Variants in ATP2C2 observed in about 807,000 individuals in gnomAD.
The protein encoded by ATP2C2 is calcium-transporting ATPase type 2C member 2.
In ATP2C2, 171 loss-of-function variants were observed where a neutral mutation model predicts 110.8. The ratio of observed to expected loss-of-function variants is 1.54; its 90% CI spans 1.36 to 1.75. The LOEUF (loss-of-function observed/expected upper bound fraction) is 1.75, where lower values mean the gene tolerates loss of function less well. Among genes scored for constraint, ATP2C2 ranks in the 40% most tolerant of loss-of-function variants. The probability of loss-of-function intolerance (pLI) is 0.00; values close to 1 mark genes in which losing one functional copy is unlikely to be tolerated. For missense variants in ATP2C2, 1,963 were observed against 1,235.0 expected, an observed-to-expected ratio of 1.59 and a Z score of -8.84; for synonymous variants, 804 against 508.4, an observed-to-expected ratio of 1.58 and a Z score of -7.82.
chr16:84,452,364 A>G lies in ATP2C2; in HGVS notation c.1831+273A>G, dbSNP rs2150583486. On this transcript the variant is annotated intron_variant, in intron 18 of 26. Coordinates refer to ENST00000262429, the MANE Select transcript of ATP2C2 (RefSeq NM_014861.4). Reference sequence around the variant, plus strand: ...GGGGCTTTTCATCCGCTGTCTTCACAGGCAGCATCATGGCCATGTACAGTT... The same window carrying G: ...GGGGCTTTTCATCCGCTGTCTTCACGGGCAGCATCATGGCCATGTACAGTT... Among the ~76,000 whole-genome samples, 3 of 152,342 alleles carry G rather than the reference A, an allele frequency of 2.0e-5. 1 individual carries two copies. The highest frequency in any genetic ancestry group is 7.2e-5 in the African/African-American group (3 of 41,586).
intron 11 of ATP2C2, among the ~76,000 whole-genome samples, chr16:84,430,019 C>G (rs111500398): frequency 2.6e-5 from 4 of 152,146 alleles, no homozygotes; most frequent in African/African-American, 9.7e-5. Context: ...GTCTCTGCGT[C>G]TCTTCTCTTC....
rs539956854 is a variant in ATP2C2 at position 84,395,802 on chromosome 16, T to G, written c.100-2697T>G. Among the ~76,000 whole-genome samples the G allele has an allele frequency of 2.7e-3, 409 of 152,226 alleles. 6 individuals are homozygous for G. Among genetic ancestry groups the G allele is most frequent in the African/African-American group, 9.4e-3 (391 of 41,518 alleles). On this transcript the variant is annotated intron_variant, in intron 1 of 26. Transcript: ENST00000262429. ...GGTATGAGCCACTGTGTCTGGCCCT[T>G]TTCTTCTGGATTTTTATTGTGGTAA...
At chr16:84,434,713 T>C in intron 11 of ATP2C2, among the ~76,000 whole-genome samples, 1 of 151,784 alleles carries the variant, frequency 6.6e-6, no homozygotes, top group East Asian at 2.0e-4. Context: ...AGACGGGGTT[T>C]CAACACGTTG....
chr16:84,439,169 G>A lies in ATP2C2; in HGVS notation c.990G>A (p.Leu330=). 1 of 1,612,212 alleles carries A rather than the reference G, an allele frequency of 6.2e-7. No homozygotes were observed. Among genetic ancestry groups the A allele is most frequent in the African/African-American group, 1.3e-5 (1 of 74,984 alleles). Residue 330 remains leucine, a synonymous_variant, in exon 12 of 27, where the codon CTG becomes CTA. Transcript: ENST00000262429. ...LLSMFTIGVS[L]AVAAIPEGLP... ...CTCATTTGACCTTTCGATCCAGCCT[G>A]GCTGTGGCGGCCATTCCAGAGGGTC...
At chr16:84,413,728 G>A (rs1906590429) in intron 6 of ATP2C2, among the ~76,000 whole-genome samples, 1 of 151,958 alleles carries the variant, frequency 6.6e-6, no homozygotes, top group South Asian at 2.1e-4. Flanking sequence ...CGCTGAAGAG[G>A]TGAAGCCCAC....
intron 1 of ATP2C2, among the ~76,000 whole-genome samples, chr16:84,376,992 G>A (rs1487761420): frequency 1.3e-5 from 2 of 152,316 alleles, no homozygotes; most frequent in East Asian, 1.9e-4. Context: ...ATCTGGATCT[G>A]TGGACGCTTC....
chr16:84,412,862 G>A (rs971097986), intron 6 of ATP2C2, among the ~76,000 whole-genome samples: 5 of 152,072 alleles, frequency 3.3e-5, no homozygotes, highest in South Asian at 2.1e-4. Flanking sequence ...TTGGGAGGCC[G>A]AGGTAGGCAG....
At chr16:84,384,652 G>A (rs113345063) in intron 1 of ATP2C2, among the ~76,000 whole-genome samples, 65 of 152,058 alleles carry the variant, frequency 4.3e-4, no homozygotes, top group African/African-American at 1.4e-3. Context: ...CATTAAGTTC[G>A]GCATGCATGG....
At chr16:84,413,253 T>C (rs1906544609) in intron 6 of ATP2C2, among the ~76,000 whole-genome samples, 1 of 152,068 alleles carries the variant, frequency 6.6e-6, no homozygotes, top group African/African-American at 2.4e-5. Flanking sequence ...TTAGTATATA[T>C]CCCAGGCACA....
Position 84,454,952 on chromosome 16 carries a change from G to T in ATP2C2, c.2115G>T (p.Met705Ile). 1 of 1,613,422 alleles carries T rather than the reference G, an allele frequency of 6.2e-7. No individual in the cohort carries two copies. The highest frequency in any genetic ancestry group is 2.2e-5 in the East Asian group (1 of 44,860). The change falls in exon 21 of 27, where the codon ATG becomes ATT. Residue 705 changes from methionine to isoleucine, a missense_variant. Coordinates refer to ENST00000262429, the MANE Select transcript of ATP2C2 (RefSeq NM_014861.4). ...GTDVSKEAAN[M>I]ILVDDDFSAI... ...ACGTCAGCAAAGAGGCCGCCAACAT[G>T]ATCCTGGTGGATGATGACTTCTCAG...
intron 25 of ATP2C2, 85 bp downstream of exon 25, chr16:84,461,897 G>T: frequency 6.2e-7 from 1 of 1,606,186 alleles, no homozygotes; most frequent in Non-Finnish European, 8.5e-7. Flanking sequence ...AGCATTGAGC[G>T]GCTCTGGCTC....
chr16:84,442,462 T>C (rs1909353711), intron 14 of ATP2C2, 48 bp from the exon 15 acceptor site: 2 of 1,584,970 alleles, frequency 1.3e-6, no homozygotes, highest in South Asian at 1.1e-5. Flanking sequence ...GTCTAACTTT[T>C]TCATGAGCCC....
At chr16:84,461,106 A>G (rs986238803) in intron 24 of ATP2C2, 6 of 382,522 alleles carry the variant, frequency 1.6e-5, no homozygotes, top group Admixed American at 4.2e-5. Context: ...CCTTGTCACC[A>G]GGAAACAATT....
chr16:84,420,142 C>T (rs1391871498), intron 7 of ATP2C2, among the ~76,000 whole-genome samples: 1 of 152,192 alleles, frequency 6.6e-6, no homozygotes, highest in African/African-American at 2.4e-5. Context: ...GGCCTTTCCC[C>T]AGCCACCTCT....
intron 7 of ATP2C2, among the ~76,000 whole-genome samples, chr16:84,416,485 A>G (rs773163036): frequency 6.6e-6 from 1 of 152,234 alleles, no homozygotes. Context: ...AGAGGGCAGC[A>G]TCAGGGAAGC....
intron 1 of ATP2C2, among the ~76,000 whole-genome samples, chr16:84,373,971 C>G (rs1190145489): frequency 6.6e-6 from 1 of 152,220 alleles, no homozygotes; most frequent in African/African-American, 2.4e-5. Context: ...AAACTCAAGT[C>G]CAACTGCCAG....
At chr16:84,398,418 T>G in intron 1 of ATP2C2, 81 bp from the exon 2 acceptor site, 1 of 845,828 alleles carries the variant, frequency 1.2e-6, no homozygotes, top group Non-Finnish European at 1.7e-6. Flanking sequence ...AAAAATAAAC[T>G]AATAAAAATA....
In ATP2C2 at chr16:84,451,915, C is replaced by T. The variant is rs762044120; in HGVS notation, c.1661-6C>T. 1.2e-6 allele frequency: 2 copies of T among 1,612,722 alleles called. No individual in the cohort carries two copies. The highest frequency in any genetic ancestry group is 1.7e-6 in the Non-Finnish European group (2 of 1,179,694). On this transcript the variant is annotated splice_polypyrimidine_tract_variant and splice_region_variant and intron_variant, in intron 17 of 26. Transcript: ENST00000262429. ...TGACCCCTCCTTACTCCCCCTCTCT[C>T]CTCAGTGCTGGCCCTGGCTTCTGGG...
chr16:84,415,085 A>T (rs1906713392), intron 6 of ATP2C2, among the ~76,000 whole-genome samples: 1 of 152,060 alleles, frequency 6.6e-6, no homozygotes, highest in Non-Finnish European at 1.5e-5. Context: ...CCCAGCTGTG[A>T]TAAGGCTCTG....
Sources: gnomAD v4.1 joint callset for allele counts (sites outside exome capture counted in the v4.1 genomes callset) on GRCh38, gnomAD v4.1.1 for gene constraint, MANE v1.5 for transcripts, NCBI Gene and HGNC (gene_info 2026-07-23, HGNC 2026-07-21) for gene names.